Variants in SLC38A11 observed in about 807,000 individuals in gnomAD.
The protein encoded by SLC38A11 is putative sodium-coupled neutral amino acid transporter 11.
SLC38A11 carries 51 observed loss-of-function variants against 49.4 expected under a neutral mutation model. The observed-to-expected ratio is 1.03, with a 90% confidence interval of 0.83 to 1.30. The LOEUF is 1.30. Ranked by LOEUF, SLC38A11 falls within the 50% of genes most tolerant of loss-of-function variation. The pLI is 0.00. For missense variants in SLC38A11, 574 were observed against 556.2 expected (o/e 1.03, Z -0.32); for synonymous variants, 203 against 192.9 (o/e 1.05, Z -0.43).
At chr2:164,933,696 A>T (rs1212488946) in intron 7 of SLC38A11, among the ~76,000 whole-genome samples, 1 of 152,100 alleles carries the variant, frequency 6.6e-6, no homozygotes, top group Non-Finnish European at 1.5e-5. Context: ...GAAAATGAAG[A>T]AAACCACACA....
intron 5 of SLC38A11, among the ~76,000 whole-genome samples, chr2:164,943,311 T>C (rs1260793844): frequency 6.6e-6 from 1 of 152,212 alleles, no homozygotes; most frequent in African/African-American, 2.4e-5. Context: ...CACTGGCTTT[T>C]TGTAATTACC....
chr2:164,940,075 A>T (rs1238364997), intron 5 of SLC38A11, among the ~76,000 whole-genome samples: 3 of 150,224 alleles, frequency 2.0e-5, no homozygotes, highest in Admixed American at 1.3e-4. Flanking sequence ...AGATAAAAAT[A>T]TTTAATATAT....
chr2:164,911,590 G>A (rs777196199), intron 10 of SLC38A11, 46 bp downstream of exon 10: 2 of 906,944 alleles, frequency 2.2e-6, no homozygotes, highest in Non-Finnish European at 3.3e-6. Flanking sequence ...ATTAAATGTG[G>A]CAGAGAGATC....
intron 3 of SLC38A11, among the ~76,000 whole-genome samples, chr2:164,948,985 T>TAGG: frequency 6.6e-6 from 1 of 151,600 alleles, no homozygotes; most frequent in Admixed American, 6.6e-5. Context: ...CCAGTCTCTG[T>TAGG]CATCATGTAC....
intron 11 of SLC38A11, among the ~76,000 whole-genome samples, chr2:164,900,546 G>A (rs1684585720): frequency 6.6e-6 from 1 of 152,010 alleles, no homozygotes; most frequent in Non-Finnish European, 1.5e-5. Context: ...TTTTCCTGAT[G>A]ATTAATGATG....
At position 164,897,808 on chromosome 2, in the gene SLC38A11, A is replaced by T. The variant is rs1220459226; in HGVS notation, c.*629T>A. 6.6e-6 allele frequency: 1 copy of T among 152,144 alleles called. No homozygotes were observed. The highest frequency in any genetic ancestry group is 2.4e-5 in the African/African-American group (1 of 41,420). The allele number at this position is 152,144 out of a possible 1,614,324, so 9.4% of individuals were successfully genotyped here. ...GGTGCTACCATTGTATTCCCACAGC[A>T]TCAGAAGATGGGAGGTGATTTTGAT... On this transcript the variant is annotated 3_prime_UTR_variant, in exon 12 of 12. Transcript: ENST00000685975.
intron 7 of SLC38A11, chr2:164,921,992 T>C (rs1686235826): frequency 6.6e-6 from 1 of 152,202 alleles, no homozygotes; most frequent in Admixed American, 6.5e-5. Context: ...GGAGTTAAAT[T>C]CATTTTGTAA....
At chr2:164,910,759 C>T (rs538630962) in intron 10 of SLC38A11, among the ~76,000 whole-genome samples, 3 of 152,222 alleles carry the variant, frequency 2.0e-5, no homozygotes, top group African/African-American at 4.8e-5. Flanking sequence ...AGGAACAGAT[C>T]CTATGACTGA....
At chr2:164,925,187 A>G (rs1686485559) in intron 7 of SLC38A11, among the ~76,000 whole-genome samples, 2 of 152,180 alleles carry the variant, frequency 1.3e-5, no homozygotes, top group African/African-American at 2.4e-5. Flanking sequence ...GCGTTCTCTA[A>G]TTCCTCTGTT....
intron 10 of SLC38A11, among the ~76,000 whole-genome samples, chr2:164,909,627 A>T (rs576271010): frequency 8.6e-5 from 13 of 151,554 alleles, no homozygotes; most frequent in Non-Finnish European, 1.8e-4. Context: ...CATGCACAGG[A>T]TTTGGAGCAG....
chr2:164,917,478 G>A (rs1199643811), intron 7 of SLC38A11, among the ~76,000 whole-genome samples: 1 of 152,136 alleles, frequency 6.6e-6, no homozygotes, highest in Non-Finnish European at 1.5e-5. Flanking sequence ...TTTTGGGAGT[G>A]GGAACTACTG....
chr2:164,908,424 C>A (rs142809607), intron 11 of SLC38A11, among the ~76,000 whole-genome samples: 2 of 152,078 alleles, frequency 1.3e-5, no homozygotes, highest in African/African-American at 4.8e-5. Context: ...CCAGTTGTGA[C>A]GACCCCATAT....
intron 7 of SLC38A11, among the ~76,000 whole-genome samples, chr2:164,918,548 G>T (rs1221449701): frequency 1.3e-5 from 2 of 152,090 alleles, no homozygotes; most frequent in Non-Finnish European, 2.9e-5. Flanking sequence ...TGAAAAGTTA[G>T]AAATACTCTA....
chr2:164,910,146 A>C (rs939866629), intron 10 of SLC38A11, among the ~76,000 whole-genome samples: 1 of 152,064 alleles, frequency 6.6e-6, no homozygotes, highest in Non-Finnish European at 1.5e-5. Context: ...AGAGAAGGGA[A>C]AGTTATAGAC....
intron 11 of SLC38A11, chr2:164,908,157 A>G (rs1247032755): frequency 2.0e-5 from 3 of 152,166 alleles, no homozygotes; most frequent in African/African-American, 7.2e-5. Context: ...TATAACTTGA[A>G]TCCTTTCATA....
At chr2:164,950,847 T>G (rs1397534365) in intron 3 of SLC38A11, among the ~76,000 whole-genome samples, 1 of 152,182 alleles carries the variant, frequency 6.6e-6, no homozygotes, top group Admixed American at 6.5e-5. Context: ...CACTGATTAA[T>G]TATAGCTCCA....
chr2:164,922,547 T>C lies in SLC38A11; in HGVS notation c.618-6574A>G, dbSNP rs567135916. On this transcript the variant is annotated intron_variant, in intron 7 of 11. Transcript: ENST00000685975. ...TGCTCAGGAGAATCCTTCTTAGGAA[T>C]CACTCTGAACATTAAAACTGATTCA... Among the ~76,000 whole-genome samples, 195 of 152,300 alleles carry C rather than the reference T, an allele frequency of 1.3e-3. 3 individuals carry two copies. The South Asian group carries it at 0.03, about 24-fold the overall frequency.
In SLC38A11 at chr2:164,896,554, C is replaced by A. The variant is rs903188526; in HGVS notation, c.*1883G>T. 1.3e-5 allele frequency: 2 copies of A among 152,118 alleles called. No individual in the cohort carries two copies. Among genetic ancestry groups the A allele is most frequent in the Non-Finnish European group, 2.9e-5 (2 of 68,022 alleles). The allele number at this position is 152,118 out of a possible 1,614,324, so 9.4% of individuals were successfully genotyped here. ...GTGGCAAAAATTTCTTACATTTCCTCATTTCTTACATGGAATGAAAGCATT... is the reference window on the plus strand; with the variant it reads ...GTGGCAAAAATTTCTTACATTTCCTAATTTCTTACATGGAATGAAAGCATT... On this transcript the variant is annotated 3_prime_UTR_variant, in exon 12 of 12. Transcript: ENST00000685975.
At chr2:164,931,241 CAAAAAAAAAAAAA>C (rs71028455) in intron 7 of SLC38A11, among the ~76,000 whole-genome samples, 1 of 74,786 alleles carries the variant, frequency 1.3e-5, no homozygotes, top group African/African-American at 5.5e-5. Context: ...TGATCCCCCA[CAAAAAAAAAAAAA>C]AAAAAAAATC....
Sources: gnomAD v4.1 joint callset for allele counts (sites outside exome capture counted in the v4.1 genomes callset) on GRCh38, gnomAD v4.1.1 for gene constraint, MANE v1.5 for transcripts, NCBI Gene and HGNC (gene_info 2026-07-23, HGNC 2026-07-21) for gene names.